STAU2: variants seen among roughly 807,000 people sequenced by gnomAD.
The protein encoded by STAU2 is staufen double-stranded RNA binding protein 2.
STAU2 carries 20 observed loss-of-function variants against 65.9 expected under a neutral mutation model. The observed-to-expected ratio is 0.30, with a 90% CI of 0.21 to 0.44. The LOEUF (loss-of-function observed/expected upper bound fraction) is 0.44. Ranked by LOEUF, STAU2 falls within the 20% of genes least tolerant of loss-of-function variation. STAU2 has a pLI of 1.00. For missense variants in STAU2, 558 were observed against 683.9 expected, an observed-to-expected ratio of 0.82 and a Z score of 2.05; for synonymous variants, 232 against 233.9, an observed-to-expected ratio of 0.99 and a Z score of 0.07.
At chr8:73,738,248 C>T (rs760163350) in intron 3 of STAU2, 36 bp downstream of exon 3, 3 of 1,558,916 alleles carry the variant, frequency 1.9e-6, no homozygotes, top group Non-Finnish European at 2.6e-6. Context: ...GCCAAAGCAC[C>T]ATGTAAGCAT....
chr8:73,685,001 T>C (rs923666527), intron 5 of STAU2, among the ~76,000 whole-genome samples: 4 of 152,112 alleles, frequency 2.6e-5, no homozygotes. Flanking sequence ...GTGGAGGTAA[T>C]TTGAATCATG....
intron 13 of STAU2, among the ~76,000 whole-genome samples, chr8:73,531,418 G>A (rs1275302075): frequency 1.3e-5 from 2 of 152,126 alleles, no homozygotes; most frequent in Non-Finnish European, 2.9e-5. Context: ...CATTGAGACT[G>A]CTCAGTAAAC....
intron 6 of STAU2, among the ~76,000 whole-genome samples, chr8:73,627,629 C>T (rs1586151390): frequency 6.6e-6 from 1 of 151,420 alleles, no homozygotes; most frequent in Middle Eastern, 3.4e-3. Context: ...TATTTATTTC[C>T]ACAATTTATT....
At chr8:73,709,385 T>C (rs2130645310) in intron 3 of STAU2, among the ~76,000 whole-genome samples, 1 of 152,218 alleles carries the variant, frequency 6.6e-6, no homozygotes, top group Non-Finnish European at 1.5e-5. Flanking sequence ...ACCTAAGTTG[T>C]TCTATGTATA....
intron 12 of STAU2, among the ~76,000 whole-genome samples, chr8:73,553,697 C>T (rs1807508272): frequency 6.6e-6 from 1 of 151,762 alleles, no homozygotes; most frequent in Non-Finnish European, 1.5e-5. Flanking sequence ...GATTGATGAC[C>T]TTTTCTTCTG....
At chr8:73,571,726 T>C (rs1563430698) in intron 12 of STAU2, among the ~76,000 whole-genome samples, 1 of 152,116 alleles carries the variant, frequency 6.6e-6, no homozygotes, top group Non-Finnish European at 1.5e-5. Context: ...CATACCAGAA[T>C]CTCTGGGACA....
intron 12 of STAU2, among the ~76,000 whole-genome samples, chr8:73,568,950 C>G (rs1246561525): frequency 6.6e-6 from 1 of 152,094 alleles, no homozygotes; most frequent in African/African-American, 2.4e-5. Flanking sequence ...AACTGAGGTA[C>G]CAGGTTCATC....
At chr8:73,432,398 A>G (rs1817366855) in intron 13 of STAU2, among the ~76,000 whole-genome samples, 1 of 152,246 alleles carries the variant, frequency 6.6e-6, no homozygotes, top group Non-Finnish European at 1.5e-5. Context: ...CTGAATCTAT[A>G]TTAAATCATA....
chr8:73,492,172 C>T (rs1402707990), intron 13 of STAU2, among the ~76,000 whole-genome samples: 1 of 151,882 alleles, frequency 6.6e-6, no homozygotes, highest in Non-Finnish European at 1.5e-5. Flanking sequence ...TAAAGCATTT[C>T]TTTGTTACTG....
intron 3 of STAU2, among the ~76,000 whole-genome samples, chr8:73,714,310 A>G (rs1821099486): frequency 6.6e-6 from 1 of 152,238 alleles, no homozygotes; most frequent in Non-Finnish European, 1.5e-5. Context: ...AAAAGTCAAA[A>G]GAGCAAAGGA....
chr8:73,726,918 A>C (rs1360277821), intron 3 of STAU2, among the ~76,000 whole-genome samples: 2 of 152,170 alleles, frequency 1.3e-5, no homozygotes, highest in African/African-American at 4.8e-5. Flanking sequence ...TTGACATAAT[A>C]TCTAATTAAT....
At chr8:73,570,147 G>A (rs1473277622) in intron 12 of STAU2, among the ~76,000 whole-genome samples, 3 of 152,164 alleles carry the variant, frequency 2.0e-5, no homozygotes, top group Non-Finnish European at 2.9e-5. Context: ...TGAAAACCAT[G>A]GCACAAGAAC....
At chr8:73,424,012 G>C in intron 13 of STAU2, among the ~76,000 whole-genome samples, 1 of 151,934 alleles carries the variant, frequency 6.6e-6, no homozygotes, top group East Asian at 1.9e-4. Flanking sequence ...ATATAAAATA[G>C]TTCCACAGCC....
At chr8:73,651,408 T>G (rs574646765) in intron 6 of STAU2, 6 of 663,966 alleles carry the variant, frequency 9.0e-6, no homozygotes, top group Non-Finnish European at 1.7e-5. Context: ...CTGTCGGAGG[T>G]CCAGATAAAA....
intron 13 of STAU2, chr8:73,551,265 G>C (rs1807315772): frequency 1.0e-6 from 1 of 987,198 alleles, no homozygotes; most frequent in African/African-American, 1.7e-5. Flanking sequence ...AGGAAACAAA[G>C]AATAAATAGG....
chr8:73,706,421 G>T (rs570933676), intron 4 of STAU2, among the ~76,000 whole-genome samples: 6 of 152,022 alleles, frequency 3.9e-5, no homozygotes, highest in African/African-American at 9.6e-5. Context: ...CCAGCCCCAA[G>T]AAAATTAATG....
At chr8:73,515,930 ACT>A (rs1400806268) in intron 13 of STAU2, among the ~76,000 whole-genome samples, 3 of 131,472 alleles carry the variant, frequency 2.3e-5, no homozygotes, top group Non-Finnish European at 3.2e-5. Flanking sequence ...TAGGGCACTG[ACT>A]CTTTTTTTTT....
At chr8:73,483,820 T>C (rs1426627406) in intron 13 of STAU2, among the ~76,000 whole-genome samples, 1 of 152,104 alleles carries the variant, frequency 6.6e-6, no homozygotes. Context: ...ACTTGGAGAT[T>C]AACTGTGTGG....
At chr8:73,614,401 C>T (rs1812682356) in intron 8 of STAU2, among the ~76,000 whole-genome samples, 7 of 152,080 alleles carry the variant, frequency 4.6e-5, no homozygotes, top group Admixed American at 4.6e-4. Context: ...AGGCACTGTG[C>T]CTGTGGAAGC....
Sources: allele counts gnomAD v4.1 joint callset (sites outside exome capture counted in the v4.1 genomes callset), GRCh38; gene constraint gnomAD v4.1.1; transcripts MANE v1.5; gene names NCBI Gene and HGNC (gene_info 2026-07-23, HGNC 2026-07-21).